Variants in SMAD6 observed in about 807,000 individuals in gnomAD.
SMAD6 encodes SMAD family member 6.
In SMAD6, 103 loss-of-function variants were observed where a neutral mutation model predicts 39.4. The ratio of observed to expected loss-of-function variants is 2.62; its 90% CI spans 2.23 to 3.08. The LOEUF (loss-of-function observed/expected upper bound fraction) is 3.08, where lower values mean the gene tolerates loss of function less well. Among genes scored for constraint, SMAD6 ranks in the 30% most tolerant of loss-of-function variants. The pLI is 0.00. For missense variants in SMAD6, 1,104 were observed against 742.9 expected, an observed-to-expected ratio of 1.49 and a Z score of -5.65; for synonymous variants, 445 against 353.3, an observed-to-expected ratio of 1.26 and a Z score of -2.91.
At chr15:66,704,878 C>G (rs1412959165) in intron 1 of SMAD6, 1 of 152,664 alleles carries the variant, frequency 6.6e-6, no homozygotes, top group Non-Finnish European at 1.5e-5. Context: ...CTCAGCCTTG[C>G]TTACCTGGCC....
chr15:66,773,172 C>T (rs1049883257), intron 3 of SMAD6, among the ~76,000 whole-genome samples: 15 of 125,296 alleles, frequency 1.2e-4, no homozygotes, highest in Non-Finnish European at 2.1e-4. Context: ...CTTGGAAGCC[C>T]GGCTTCCTCT....
At position 66,703,922 on chromosome 15, in the gene SMAD6, C is replaced by T. The variant is rs1595757355; in HGVS notation, c.664C>T (p.Pro222Ser). The change falls in exon 1 of 4, where the codon CCG becomes TCG. Residue 222 changes from proline to serine, a missense_variant. Physicochemically the swap from Pro to Ser is moderately conservative, Grantham distance 74. Transcript: ENST00000288840. ...DLRLGGQPAPPQLLLGRLFRW... is the reference protein window; with the variant it reads ...DLRLGGQPAPSQLLLGRLFRW... Reference sequence around the variant, plus strand: ...CCGCCTGGGCGGCCAGCCCGCGCCGCCGCAGCTGCTGCTCGGCCGCCTCTT... The same window carrying T: ...CCGCCTGGGCGGCCAGCCCGCGCCGTCGCAGCTGCTGCTCGGCCGCCTCTT... 1.5e-6 allele frequency: 2 copies of T among 1,316,190 alleles called. No homozygotes were observed. Among genetic ancestry groups the T allele is most frequent in the Non-Finnish European group, 1.9e-6 (2 of 1,036,418 alleles). 81.5% of individuals were successfully genotyped at this position (1,316,190 alleles called of 1,614,324 possible).
Position 66,781,275 on chromosome 15 carries a change from T to A in SMAD6, c.1231T>A (p.Phe411Ile). ...WAYNRGEHPI[F>I]VNSPTLDAPG... ...CTACAACCGCGGCGAGCACCCCATC[T>A]TCGTCAACTCCCCGACGCTGGACGC... The change falls in exon 4 of 4, where the codon TTC (phenylalanine) becomes ATC (isoleucine). Residue 411 changes from phenylalanine to isoleucine, a missense_variant. Phe to Ile is a conservative substitution (Grantham distance 21). Transcript: ENST00000288840. The A allele has an allele frequency of 1.2e-6, 2 of 1,607,374 alleles. No individual in the cohort carries two copies. The highest frequency in any genetic ancestry group is 1.7e-6 in the Non-Finnish European group (2 of 1,178,768).
At chr15:66,779,411 C>T (rs1387920593) in intron 3 of SMAD6, among the ~76,000 whole-genome samples, 1 of 152,196 alleles carries the variant, frequency 6.6e-6, no homozygotes, top group Non-Finnish European at 1.5e-5. Flanking sequence ...GACTTGGGGA[C>T]CTGTGTCTGG....
intron 3 of SMAD6, among the ~76,000 whole-genome samples, chr15:66,751,355 GGTA>G (rs1289164601): frequency 6.6e-6 from 1 of 152,178 alleles, no homozygotes; most frequent in Non-Finnish European, 1.5e-5. Context: ...AGCCTTGAAT[GGTA>G]GTCCATGAAC....
chr15:66,703,375 G>A lies in SMAD6; in HGVS notation c.117G>A (p.Leu39=). The A allele has an allele frequency of 6.9e-7, 1 of 1,459,464 alleles. No individual in the cohort carries two copies. Among genetic ancestry groups the A allele is most frequent in the South Asian group, 1.4e-5 (1 of 72,748 alleles). The allele number at this position is 1,459,464 out of a possible 1,614,324, so 90.4% of individuals were successfully genotyped here. ...GGGGGDEDGS[L]GSRAEPAPRA... is the part of the protein sequence containing the mutation. ...GTGGCGGCGACGAGGATGGGAGCTT[G>A]GGCAGCCGAGCTGAGCCGGCCCCGC... is the stretch of plus-strand genomic sequence containing the variant. Residue 39 remains leucine, a synonymous_variant, in exon 1 of 4, where the codon TTG becomes TTA. Coordinates refer to ENST00000288840, the MANE Select transcript of SMAD6 (RefSeq NM_005585.5).
At position 66,703,711 on chromosome 15, in the gene SMAD6, G is replaced by T. The variant is rs928708640; in HGVS notation, c.453G>T (p.Glu151Asp). 12 of 1,347,418 alleles carry T rather than the reference G, an allele frequency of 8.9e-6. No homozygotes were observed. In the African/African-American group the frequency reaches 1.7e-4, roughly 19 times the overall value. The allele number at this position is 1,347,418 out of a possible 1,614,324, so 83.5% of individuals were successfully genotyped here. Residue 151 changes from glutamate to aspartate, a missense_variant, in exon 1 of 4, where the codon GAG becomes GAT. Coordinates refer to ENST00000288840, the MANE Select transcript of SMAD6 (RefSeq NM_005585.5). Reference sequence around the variant, plus strand: ...ACCCCCTGGCCGGGGCGGCCCTGGAGCCGGCGGGCGGCGGGCGGAGTCGCG... The same window carrying T: ...ACCCCCTGGCCGGGGCGGCCCTGGATCCGGCGGGCGGCGGGCGGAGTCGCG... Reference protein sequence around the residue: ...ASDPLAGAALEPAGGGRSREA... With the variant: ...ASDPLAGAALDPAGGGRSREA...
Position 66,703,498 on chromosome 15 carries a change from G to A in SMAD6, c.240G>A (p.Ala80=), listed in dbSNP as rs937555039. The A allele has an allele frequency of 8.6e-5, 106 of 1,228,688 alleles. No homozygotes were observed. The East Asian group carries it at 2.6e-3, about 30-fold the overall frequency. The allele number at this position is 1,228,688 out of a possible 1,614,324, so 76.1% of individuals were successfully genotyped here. The part of the protein sequence containing the change: ...DAVGQRGAQG[A]GRRRRAGGPP... Reference sequence around the variant, plus strand: ...TGGGACAGCGAGGCGCCCAGGGCGCGGGGAGGCGCCGGCGCGCAGGGGGCC... The same window carrying A: ...TGGGACAGCGAGGCGCCCAGGGCGCAGGGAGGCGCCGGCGCGCAGGGGGCC... The change falls in exon 1 of 4, where the codon GCG becomes GCA. Residue 80 remains alanine, a synonymous_variant. Transcript: ENST00000288840.
chr15:66,757,508 C>A (rs990432976), intron 3 of SMAD6, among the ~76,000 whole-genome samples: 1 of 152,160 alleles, frequency 6.6e-6, no homozygotes, highest in Non-Finnish European at 1.5e-5. Flanking sequence ...AGAGCTGAAC[C>A]CAGGCTCACT....
Position 66,711,652 on chromosome 15 carries a change from G to GTC in SMAD6, c.818-13_818-12dup, listed in dbSNP as rs775826131. 3.1e-6 allele frequency: 5 copies of GTC among 1,610,152 alleles called. No individual in the cohort carries two copies. In the South Asian group the frequency reaches 5.5e-5, roughly 18 times the overall value. On this transcript the variant is annotated splice_polypyrimidine_tract_variant and intron_variant, in intron 1 of 3. Coordinates refer to ENST00000288840, the MANE Select transcript of SMAD6 (RefSeq NM_005585.5). The stretch of plus-strand genomic sequence containing the variant: ...TCCCCAACCCTGGCAGTGACATGCT[G>GTC]TCTCCTGTCTTCCAGAATCTCCGCC...
Position 66,781,098 on chromosome 15 carries a change from C to G in SMAD6, c.1054C>G (p.Gln352Glu). The change falls in exon 4 of 4, where the codon CAG becomes GAG. Residue 352 changes from glutamine to glutamate, a missense_variant. By Grantham distance (29) the Gln-to-Glu change is conservative. Transcript: ENST00000288840. ...GGGCCGCCTCTATGCGGTGTACGAC[C>G]AGGCCGTCAGCATCTTCTACGACCT... Reference protein sequence around the residue: ...RVGRLYAVYDQAVSIFYDLPQ... With the variant: ...RVGRLYAVYDEAVSIFYDLPQ... 6.2e-7 allele frequency: 1 copy of G among 1,608,572 alleles called. No individual in the cohort carries two copies. Among genetic ancestry groups the G allele is most frequent in the South Asian group, 1.1e-5 (1 of 90,892 alleles).
intron 3 of SMAD6, among the ~76,000 whole-genome samples, chr15:66,779,644 C>G (rs557420700): frequency 6.6e-6 from 1 of 152,368 alleles, no homozygotes; most frequent in East Asian, 1.9e-4. Context: ...GCGTCCAGAG[C>G]TGGCCTCACT....
At chr15:66,707,041 G>C (rs2140588113) in intron 1 of SMAD6, 1 of 152,324 alleles carries the variant, frequency 6.6e-6, no homozygotes, top group African/African-American at 2.4e-5. Flanking sequence ...CCTCTTCTGG[G>C]CATGGGCTAG....
At chr15:66,758,908 T>C (rs1401183292) in intron 3 of SMAD6, among the ~76,000 whole-genome samples, 2 of 152,236 alleles carry the variant, frequency 1.3e-5, no homozygotes, top group East Asian at 3.9e-4. Context: ...AATATTAATA[T>C]GAAGTAATAA....
At chr15:66,742,741 C>T (rs1893836890) in intron 3 of SMAD6, among the ~76,000 whole-genome samples, 2 of 152,180 alleles carry the variant, frequency 1.3e-5, no homozygotes, top group South Asian at 2.1e-4. Flanking sequence ...ACCCTGTCCA[C>T]AATCAGCACC....
intron 3 of SMAD6, among the ~76,000 whole-genome samples, chr15:66,760,806 G>A (rs1033217038): frequency 1.3e-5 from 2 of 152,088 alleles, no homozygotes; most frequent in South Asian, 2.1e-4. Context: ...GACCAACCAC[G>A]TCCGTCTCAT....
At chr15:66,779,845 C>T (rs574249638) in intron 3 of SMAD6, among the ~76,000 whole-genome samples, 1 of 152,346 alleles carries the variant, frequency 6.6e-6, no homozygotes, top group African/African-American at 2.4e-5. Context: ...AATCATGTCA[C>T]CTCACTGGGC....
At chr15:66,755,319 C>T (rs867887238) in intron 3 of SMAD6, among the ~76,000 whole-genome samples, 10 of 152,250 alleles carry the variant, frequency 6.6e-5, no homozygotes, top group Middle Eastern at 3.4e-3. Flanking sequence ...GCCCAGCCAG[C>T]GTGGTAGGCT....
chr15:66,740,397 A>G (rs1893792744), intron 3 of SMAD6: 1 of 152,120 alleles, frequency 6.6e-6, no homozygotes, highest in African/African-American at 2.4e-5. Flanking sequence ...GATCCTTAGT[A>G]CATGCTGGCG....
Sources: gnomAD v4.1 joint callset for allele counts (sites outside exome capture counted in the v4.1 genomes callset) on GRCh38, gnomAD v4.1.1 for gene constraint, MANE v1.5 for transcripts, NCBI Gene and HGNC (gene_info 2026-07-23, HGNC 2026-07-21) for gene names.